The following PDE8A variants were observed in gnomAD, a reference collection of about 807,000 sequenced individuals.
PDE8A encodes the protein phosphodiesterase 8A, also known as high affinity cAMP-specific and IBMX-insensitive 3',5'-cyclic phosphodiesterase 8A.
PDE8A carries 59 observed loss-of-function variants against 105.0 expected under a neutral mutation model. That is an observed-to-expected ratio of 0.56 (90% confidence interval 0.46 to 0.70). The LOEUF is 0.70. Among genes scored for constraint, PDE8A ranks in the 30% least tolerant of loss-of-function variants. The pLI is 0.00. For synonymous variants in PDE8A, 355 were observed against 371.9 expected (o/e 0.95, Z 0.52); for missense variants, 1,014 against 1,045.9 (o/e 0.97, Z 0.42).
Position 85,137,836 on chromosome 15 carries a change from A to T in PDE8A, c.2423A>T (p.Asn808Ile), listed in dbSNP as rs532053506. The T allele has an allele frequency of 6.2e-7, 1 of 1,613,794 alleles. No individual in the cohort carries two copies. The highest frequency in any genetic ancestry group is 1.3e-5 in the African/African-American group (1 of 75,046). The change falls in exon 22 of 22, where the codon AAC becomes ATC. Residue 808 changes from asparagine (N) to isoleucine (I), a missense_variant. By Grantham distance (149) the Asn-to-Ile change is moderately radical. Transcript: ENST00000394553. ...CCTGATTTAATGCAGCATCTTGACA[A>T]CAACTTTAAATACTGGAAAGGACTG... Reference protein sequence around the residue: ...DLPDLMQHLDNNFKYWKGLDE... With the variant: ...DLPDLMQHLDINFKYWKGLDE...
At chr15:85,104,341 A>G (rs1567288284) in intron 11 of PDE8A, among the ~76,000 whole-genome samples, 1 of 152,164 alleles carries the variant, frequency 6.6e-6, no homozygotes, top group African/African-American at 2.4e-5. Flanking sequence ...AGAGGACAAG[A>G]TGGGAGAAGC....
chr15:84,980,629 G>A (rs1325619349), upstream of PDE8A: 2 of 152,412 alleles, frequency 1.3e-5, no homozygotes, highest in Non-Finnish European at 2.9e-5. Flanking sequence ...GATACGTGAT[G>A]GACGCCCAGA....
chr15:85,067,839 G>T (rs984711147), intron 3 of PDE8A, among the ~76,000 whole-genome samples: 1 of 152,184 alleles, frequency 6.6e-6, no homozygotes, highest in Non-Finnish European at 1.5e-5. Flanking sequence ...TATGGGGTAT[G>T]TGGTGACGTC....
intron 12 of PDE8A, 85 bp downstream of exon 12, chr15:85,109,215 C>T (rs1226466957): frequency 1.2e-6 from 1 of 814,262 alleles, no homozygotes; most frequent in African/African-American, 1.7e-5. Context: ...CAGGCTCATC[C>T]TGTCTACCTC....
At chr15:85,136,815 G>A in intron 21 of PDE8A, 152 bp downstream of exon 21, 1 of 687,032 alleles carries the variant, frequency 1.5e-6, no homozygotes, top group Admixed American at 2.9e-5. Flanking sequence ...GCCCCTGAGG[G>A]CTAGGTGTTC....
chr15:85,028,086 AATC>A (rs1455763811), intron 1 of PDE8A, among the ~76,000 whole-genome samples: 2 of 152,256 alleles, frequency 1.3e-5, no homozygotes, highest in Admixed American at 1.3e-4. Context: ...TCTTTTTTGT[AATC>A]ATGATTCCTA....
intron 1 of PDE8A, among the ~76,000 whole-genome samples, chr15:85,043,507 G>A (rs375147150): frequency 6.6e-6 from 1 of 152,070 alleles, no homozygotes; most frequent in Non-Finnish European, 1.5e-5. Flanking sequence ...CTCTCCTATA[G>A]TTGACTATTC....
chr15:85,052,480 G>A (rs1192067252), intron 1 of PDE8A, among the ~76,000 whole-genome samples: 21 of 152,174 alleles, frequency 1.4e-4, no homozygotes, highest in South Asian at 6.2e-4. Flanking sequence ...CCTCTCCAGC[G>A]CCTGTTGTTT....
chr15:85,007,504 C>A (rs941002145), intron 1 of PDE8A, among the ~76,000 whole-genome samples: 3 of 151,296 alleles, frequency 2.0e-5, no homozygotes, highest in Admixed American at 1.3e-4. Context: ...AGTACAGTTA[C>A]GCTATATGTA....
At chr15:84,993,557 G>T (rs2079925839) in intron 1 of PDE8A, among the ~76,000 whole-genome samples, 1 of 150,680 alleles carries the variant, frequency 6.6e-6, no homozygotes, top group Non-Finnish European at 1.5e-5. Context: ...TTCCATCCAT[G>T]TAGATTGCTT....
chr15:85,028,951 A>G (rs1279310378), intron 1 of PDE8A, among the ~76,000 whole-genome samples: 1 of 152,206 alleles, frequency 6.6e-6, no homozygotes, highest in Non-Finnish European at 1.5e-5. Flanking sequence ...ATTGCAGTCC[A>G]ACAAAAAGGA....
At chr15:85,012,384 T>A (rs1006203394) in intron 1 of PDE8A, among the ~76,000 whole-genome samples, 1 of 152,128 alleles carries the variant, frequency 6.6e-6, no homozygotes, top group Non-Finnish European at 1.5e-5. Flanking sequence ...AATGATGAGT[T>A]CATGTCCTTT....
At chr15:84,995,493 ATTT>A (rs1184372132) in intron 1 of PDE8A, among the ~76,000 whole-genome samples, 1 of 151,754 alleles carries the variant, frequency 6.6e-6, no homozygotes, top group Non-Finnish European at 1.5e-5. Flanking sequence ...AATTAAAAAA[ATTT>A]TTTTTGTAGA....
intron 1 of PDE8A, among the ~76,000 whole-genome samples, chr15:85,060,164 C>T (rs1015914460): frequency 1.3e-5 from 2 of 151,912 alleles, no homozygotes; most frequent in African/African-American, 4.8e-5. Context: ...TATTTAAATT[C>T]CTTTCTCATT....
chr15:85,117,213 T>C (rs920520975), intron 16 of PDE8A, among the ~76,000 whole-genome samples: 2 of 152,202 alleles, frequency 1.3e-5, no homozygotes, highest in African/African-American at 4.8e-5. Flanking sequence ...CAGGAAATGT[T>C]TTCTTATAGG....
intron 20 of PDE8A, among the ~76,000 whole-genome samples, chr15:85,132,856 G>A (rs963585935): frequency 7.0e-6 from 1 of 143,696 alleles, no homozygotes; most frequent in African/African-American, 2.5e-5. Context: ...GTGTGTGTGT[G>A]TGTGTTTTTA....
At chr15:85,006,530 A>G (rs2080150516) in intron 1 of PDE8A, among the ~76,000 whole-genome samples, 1 of 152,216 alleles carries the variant, frequency 6.6e-6, no homozygotes, top group Non-Finnish European at 1.5e-5. Context: ...CATTAAGTTG[A>G]TTTGAAACGG....
At chr15:85,034,112 C>T (rs2080662842) in intron 1 of PDE8A, among the ~76,000 whole-genome samples, 1 of 152,116 alleles carries the variant, frequency 6.6e-6, no homozygotes, top group Non-Finnish European at 1.5e-5. Context: ...AAGATCAAGT[C>T]ACTTAGTAAA....
At chr15:85,030,124 G>C (rs190077934) in intron 1 of PDE8A, among the ~76,000 whole-genome samples, 1 of 152,224 alleles carries the variant, frequency 6.6e-6, no homozygotes, top group Admixed American at 6.5e-5. Flanking sequence ...CCTCCCTTTG[G>C]TTACTTCCAT....
Sources: allele counts gnomAD v4.1 joint callset (sites outside exome capture counted in the v4.1 genomes callset), GRCh38; gene constraint gnomAD v4.1.1; transcripts MANE v1.5; gene names NCBI Gene and HGNC (gene_info 2026-07-23, HGNC 2026-07-21).